CFTR: variants seen among roughly 807,000 people sequenced by gnomAD.
CFTR encodes cystic fibrosis transmembrane conductance regulator.
CFTR carries 181 observed loss-of-function variants against 171.6 expected under a neutral mutation model. The observed-to-expected ratio is 1.05, with a 90% confidence interval of 0.93 to 1.19. The LOEUF is 1.19. CFTR is among the 50% of genes most tolerant of loss of function. CFTR has a pLI of 0.00. For synonymous variants in CFTR, 583 were observed against 608.0 expected, an observed-to-expected ratio of 0.96 and a Z score of 0.60; for missense variants, 1,968 against 1,734.7, an observed-to-expected ratio of 1.13 and a Z score of -2.39.
intron 3 of CFTR, among the ~76,000 whole-genome samples, chr7:117,523,942 A>G (rs1344939288): frequency 6.6e-6 from 1 of 152,182 alleles, no homozygotes; most frequent in Admixed American, 6.5e-5. Flanking sequence ...TTGCTAAAAT[A>G]TTTCTCTTTT....
chr7:117,598,806 C>T (rs541298178), intron 15 of CFTR, among the ~76,000 whole-genome samples: 47 of 152,222 alleles, frequency 3.1e-4, no homozygotes, highest in African/African-American at 1.1e-3. Context: ...AGTTAAAACT[C>T]GCTGGGCCCA....
rs1268860788 is a variant in CFTR, at chr7:117,610,655, A to G, written c.3125A>G (p.Gln1042Arg). The G allele has an allele frequency of 6.2e-7, 1 of 1,613,356 alleles. No homozygotes were observed. Among genetic ancestry groups the G allele is most frequent in the Non-Finnish European group, 8.5e-7 (1 of 1,179,584 alleles). ...CTCCAAACCTCACAGCAACTCAAAC[A>G]ACTGGAATCTGAAGGTATGACAGTG... ...YFLQTSQQLK[Q>R]LESEGRSPIF... Residue 1042 changes from glutamine (Q) to arginine (R), a missense_variant, in exon 19 of 27, where the codon CAA becomes CGA. Physicochemically the swap from Gln to Arg is conservative, Grantham distance 43. Coordinates refer to ENST00000003084, the MANE Select transcript of CFTR (RefSeq NM_000492.4).
At chr7:117,502,246 G>T (rs1798344303) in intron 1 of CFTR, among the ~76,000 whole-genome samples, 1 of 152,178 alleles carries the variant, frequency 6.6e-6, no homozygotes, top group Non-Finnish European at 1.5e-5. Flanking sequence ...AAGAATGAAT[G>T]AAGTCAAAAG....
chr7:117,627,730 T>C lies in CFTR; in HGVS notation c.3677T>C (p.Ile1226Thr), dbSNP rs1481648296. 1 of 1,613,100 alleles carries C rather than the reference T, an allele frequency of 6.2e-7. No homozygotes were observed. The highest frequency in any genetic ancestry group is 1.7e-5 in the Admixed American group (1 of 59,976). Residue 1226 changes from isoleucine (I) to threonine (T), a missense_variant, in exon 22 of 27, where the codon ATA becomes ACA. Physicochemically the swap from Ile to Thr is moderately conservative, Grantham distance 89. Transcript: ENST00000003084. ...TAKYTEGGNA[I>T]LENISFSISP... The stretch of plus-strand genomic sequence containing the variant: ...AAATACACAGAAGGTGGAAATGCCA[T>C]ATTAGAGAACATTTCCTTCTCAATA...
At chr7:117,514,336 G>A (rs1017058849) in intron 3 of CFTR, among the ~76,000 whole-genome samples, 7 of 152,080 alleles carry the variant, frequency 4.6e-5, no homozygotes, top group African/African-American at 1.7e-4. Context: ...AGGCCCTGGT[G>A]TATGTTGTTC....
intron 1 of CFTR, among the ~76,000 whole-genome samples, chr7:117,496,669 C>T (rs1798245766): frequency 6.6e-6 from 1 of 152,158 alleles, no homozygotes; most frequent in Admixed American, 6.5e-5. Context: ...CATCCATTTT[C>T]CTTTCTTTTG....
chr7:117,531,101 T>A lies in CFTR; in HGVS notation c.476T>A (p.Leu159Ter), dbSNP rs397508727. ...GMQMRIAMFS[L>*]IYKKTLKLSS... ...CAGATGAGAATAGCTATGTTTAGTT[T>A]GATTTATAAGAAGGTAATACTTCCT... is the stretch of plus-strand genomic sequence containing the variant. Residue 159 changes from leucine (L) to a stop codon, truncating the protein, a stop_gained, in exon 4 of 27, where the codon TTG (leucine) becomes TAG (stop). Transcript: ENST00000003084. LOFTEE classifies it high-confidence loss of function. The A allele has an allele frequency of 1.2e-6, 2 of 1,612,642 alleles. No homozygotes were observed.
chr7:117,540,321 C>G lies in CFTR; in HGVS notation c.1091C>G (p.Ser364Cys), dbSNP rs1175337832. Reference protein sequence around the residue: ...FPWAVQTWYDSLGAINKIQDF... With the variant: ...FPWAVQTWYDCLGAINKIQDF... ...TGGGCTGTACAAACATGGTATGACT[C>G]TCTTGGAGCAATAAACAAAATACAG... Residue 364 changes from serine to cysteine, a missense_variant, in exon 8 of 27, where the codon TCT becomes TGT. Ser to Cys is a moderately radical substitution (Grantham distance 112). Transcript: ENST00000003084. The G allele has an allele frequency of 1.9e-6, 3 of 1,613,614 alleles. No individual in the cohort carries two copies. The highest frequency in any genetic ancestry group is 2.5e-6 in the Non-Finnish European group (3 of 1,179,716).
intron 2 of CFTR, among the ~76,000 whole-genome samples, chr7:117,506,100 A>T (rs993498588): frequency 5.3e-5 from 8 of 152,196 alleles, no homozygotes; most frequent in African/African-American, 1.9e-4. Flanking sequence ...TGTTGAATGA[A>T]TCCATGATGG....
intron 1 of CFTR, 30 bp from the exon 2 acceptor site, chr7:117,504,222 TG>T: frequency 7.8e-7 from 1 of 1,284,554 alleles, no homozygotes; most frequent in Non-Finnish European, 1.1e-6. Flanking sequence ...CCAAATCAAG[TG>T]AATATCTGTT....
chr7:117,480,071 A>G lies in CFTR; in HGVS notation c.-24A>G, dbSNP rs749655814. On this transcript the variant is annotated 5_prime_UTR_variant, in exon 1 of 27. Transcript: ENST00000003084. ...GAGCTTGAGCCCAGACGGCCCTAGC[A>G]GGGACCCCAGCGCCCGAGAGACCAT... is the stretch of plus-strand genomic sequence containing the variant. 6.8e-6 allele frequency: 11 copies of G among 1,613,344 alleles called. No individual in the cohort carries two copies. In the Admixed American group the frequency reaches 1.0e-4, roughly 15 times the overall value.
At chr7:117,627,181 T>A (rs1792662821) in intron 21 of CFTR, among the ~76,000 whole-genome samples, 2 of 152,134 alleles carry the variant, frequency 1.3e-5, no homozygotes, top group South Asian at 2.1e-4. Flanking sequence ...TATTATAATA[T>A]ACCGGTTATA....
chr7:117,534,791 C>G (rs1798920846), intron 5 of CFTR, among the ~76,000 whole-genome samples: 1 of 152,162 alleles, frequency 6.6e-6, no homozygotes, highest in South Asian at 2.1e-4. Context: ...GGACCCACAG[C>G]TGGTACAAAA....
chr7:117,647,880 A>G (rs1426530827), intron 23 of CFTR, among the ~76,000 whole-genome samples: 2 of 151,528 alleles, frequency 1.3e-5, no homozygotes, highest in Non-Finnish European at 2.9e-5. Flanking sequence ...TTCACATTGA[A>G]CAGATTTTTA....
At chr7:117,638,478 G>A (rs1792861764) in intron 22 of CFTR, among the ~76,000 whole-genome samples, 1 of 152,100 alleles carries the variant, frequency 6.6e-6, no homozygotes, top group Non-Finnish European at 1.5e-5. Context: ...GCTCACGCCT[G>A]TAATTCCAGC....
chr7:117,620,219 A>T (rs1021301613), intron 21 of CFTR, among the ~76,000 whole-genome samples: 1 of 151,994 alleles, frequency 6.6e-6, no homozygotes, highest in Non-Finnish European at 1.5e-5. Flanking sequence ...TTCATCCTGT[A>T]GAGTGTCTGT....
chr7:117,653,022 T>TA, intron 24 of CFTR, 91 bp downstream of exon 24: 1 of 839,518 alleles, frequency 1.2e-6, no homozygotes, highest in Non-Finnish European at 2.1e-6. Context: ...ACACTTTGTG[T>TA]GCATGTATGT....
rs1348586659 is a variant in CFTR at position 117,668,098 on chromosome 7, T to C, written c.*990T>C. ...TGTATAGGTTGATGGTGGTATGTTT[T>C]CAGGCTAGATGTATGTACTTCATGC... On this transcript the variant is annotated 3_prime_UTR_variant, in exon 27 of 27. Coordinates refer to ENST00000003084, the MANE Select transcript of CFTR (RefSeq NM_000492.4). The C allele has an allele frequency of 6.6e-6, 1 of 152,182 alleles. No individual in the cohort carries two copies. The highest frequency in any genetic ancestry group is 1.5e-5 in the Non-Finnish European group (1 of 68,028). The allele number at this position is 152,182 out of a possible 1,614,324, so 9.4% of individuals were successfully genotyped here.
chr7:117,666,557 A>C (rs1442366747), intron 26 of CFTR, among the ~76,000 whole-genome samples: 1 of 152,174 alleles, frequency 6.6e-6, no homozygotes, highest in Non-Finnish European at 1.5e-5. Flanking sequence ...GCTTCAGATC[A>C]CTGTGGAAGA....
Sources: gnomAD v4.1 joint callset for allele counts (sites outside exome capture counted in the v4.1 genomes callset) on GRCh38, gnomAD v4.1.1 for gene constraint, MANE v1.5 for transcripts, NCBI Gene and HGNC (gene_info 2026-07-23, HGNC 2026-07-21) for gene names.